The following CSMD1 variants were observed in gnomAD, a reference collection of about 807,000 sequenced individuals.
The protein encoded by CSMD1 is CUB and Sushi multiple domains 1, also known as CUB and sushi domain-containing protein 1.
A neutral mutation model predicts 417.5 loss-of-function variants in CSMD1; 213 were observed. The observed-to-expected ratio is 0.51, with a 90% CI of 0.46 to 0.57. CSMD1 has a LOEUF of 0.57. Among genes scored for constraint, CSMD1 ranks in the 20% least tolerant of loss-of-function variants. CSMD1 has a pLI of 0.00. For missense variants in CSMD1, 6,923 were observed against 4,529.7 expected (o/e 1.53, Z -15.17); for synonymous variants, 2,862 against 1,736.8 (o/e 1.65, Z -16.11).
intron 10 of CSMD1, among the ~76,000 whole-genome samples, chr8:3,500,961 T>A (rs1563098249): frequency 6.6e-6 from 1 of 152,206 alleles, no homozygotes; most frequent in Non-Finnish European, 1.5e-5. Flanking sequence ...AATGATTCAA[T>A]AAGTATATAA....
chr8:3,493,529 G>A (rs973210366), intron 11 of CSMD1, 94 bp downstream of exon 11: 2 of 1,048,298 alleles, frequency 1.9e-6, no homozygotes, highest in Non-Finnish European at 1.4e-6. Flanking sequence ...AAACACCTGA[G>A]GCCGAATTAC....
At chr8:4,080,489 A>T (rs962977872) in intron 3 of CSMD1, among the ~76,000 whole-genome samples, 3 of 152,234 alleles carry the variant, frequency 2.0e-5, no homozygotes, top group Non-Finnish European at 4.4e-5. Context: ...TCTGGGTTCC[A>T]AATTTCTTAC....
intron 5 of CSMD1, among the ~76,000 whole-genome samples, chr8:3,973,317 G>T (rs1415019223): frequency 2.6e-5 from 4 of 152,124 alleles, no homozygotes; most frequent in Non-Finnish European, 4.4e-5. Flanking sequence ...AATATCAGTT[G>T]AATGTCTGCA....
chr8:4,150,122 T>G (rs931750020), intron 3 of CSMD1, among the ~76,000 whole-genome samples: 1 of 152,206 alleles, frequency 6.6e-6, no homozygotes, highest in African/African-American at 2.4e-5. Flanking sequence ...TTCCACATTG[T>G]GTATTTTAAG....
At chr8:4,718,537 T>G (rs924703865) in intron 1 of CSMD1, among the ~76,000 whole-genome samples, 6 of 152,040 alleles carry the variant, frequency 3.9e-5, no homozygotes, top group Middle Eastern at 3.4e-3. Context: ...AAGTACTAGC[T>G]AAGGGAATTT....
intron 1 of CSMD1, among the ~76,000 whole-genome samples, chr8:4,946,634 A>G (rs550690927): frequency 2.3e-4 from 35 of 152,194 alleles, no homozygotes; most frequent in Non-Finnish European, 4.1e-4. Flanking sequence ...TTTATGCCAT[A>G]TTTAGAATCT....
At chr8:3,692,466 G>A (rs948512954) in intron 7 of CSMD1, among the ~76,000 whole-genome samples, 32 of 150,984 alleles carry the variant, frequency 2.1e-4, no homozygotes, top group African/African-American at 6.9e-4. Context: ...TTTTGAGACG[G>A]AGTCTCCCTC....
chr8:3,596,550 G>A (rs1197692604), intron 8 of CSMD1, among the ~76,000 whole-genome samples: 4 of 152,126 alleles, frequency 2.6e-5, no homozygotes, highest in Non-Finnish European at 5.9e-5. Context: ...ATCCGTGGTT[G>A]ATCAGTAAAC....
intron 3 of CSMD1, among the ~76,000 whole-genome samples, chr8:4,299,907 G>C (rs570181929): frequency 6.6e-6 from 1 of 152,092 alleles, no homozygotes; most frequent in African/African-American, 2.4e-5. Flanking sequence ...AGGATTACAG[G>C]TATAAGCCAC....
chr8:4,444,203 A>G (rs1487188657), intron 2 of CSMD1, among the ~76,000 whole-genome samples: 1 of 151,856 alleles, frequency 6.6e-6, no homozygotes, highest in Non-Finnish European at 1.5e-5. Context: ...CTAGCCAGGC[A>G]TGGTGGCACA....
At chr8:4,013,079 G>C (rs1176715021) in intron 4 of CSMD1, among the ~76,000 whole-genome samples, 1 of 152,088 alleles carries the variant, frequency 6.6e-6, no homozygotes, top group Non-Finnish European at 1.5e-5. Context: ...AGTAGCCAGA[G>C]TAATCCTCTC....
intron 26 of CSMD1, among the ~76,000 whole-genome samples, chr8:3,280,932 G>C (rs976148054): frequency 2.0e-5 from 3 of 152,046 alleles, no homozygotes; most frequent in Non-Finnish European, 4.4e-5. Flanking sequence ...GTGATGGCCA[G>C]GTTTCAACAG....
chr8:3,601,055 A>C (rs562295780), intron 8 of CSMD1, among the ~76,000 whole-genome samples: 2 of 152,256 alleles, frequency 1.3e-5, no homozygotes, highest in South Asian at 4.1e-4. Context: ...CCCGCATGAT[A>C]TCGTGGCAGC....
At chr8:3,209,993 A>G (rs1447269318) in intron 30 of CSMD1, among the ~76,000 whole-genome samples, 2 of 152,216 alleles carry the variant, frequency 1.3e-5, no homozygotes, top group African/African-American at 2.4e-5. Flanking sequence ...AAAAACTTCA[A>G]TAAGCAAAAT....
intron 61 of CSMD1, 35 bp from the exon 62 acceptor site, chr8:2,961,249 C>A: frequency 1.5e-6 from 2 of 1,347,722 alleles, no homozygotes; most frequent in South Asian, 1.3e-5. Flanking sequence ...AAGAGGGCAC[C>A]AGATATAGTT....
intron 12 of CSMD1, among the ~76,000 whole-genome samples, chr8:3,441,995 G>T (rs570211961): frequency 6.6e-6 from 1 of 151,948 alleles, no homozygotes; most frequent in African/African-American, 2.4e-5. Flanking sequence ...GCGGAAGACA[G>T]TGTGTAGGCC....
chr8:3,862,106 T>A (rs931468639), intron 5 of CSMD1, among the ~76,000 whole-genome samples: 1 of 152,194 alleles, frequency 6.6e-6, no homozygotes. Flanking sequence ...ACACTATCAT[T>A]TTTTTCAACT....
rs927228587 is a variant in CSMD1 at position 4,321,188 on chromosome 8, G to T, written c.415+98765C>A. ...ACCTCGCACAGTGATCAAAGTGTAG[G>T]GTTCAACATGTGTGTCCAGTGCATG... On this transcript the variant is annotated intron_variant, in intron 3 of 69. Transcript: ENST00000635120. 5.3e-5 allele frequency among the ~76,000 whole-genome samples: 8 copies of T among 152,006 alleles called. No individual in the cohort carries two copies. The East Asian group carries it at 9.7e-4, about 18-fold the overall frequency.
In CSMD1 at chr8:3,035,980, T is replaced by C. The variant is rs553250899; in HGVS notation, c.7661-6467A>G. Among the ~76,000 whole-genome samples, 20 of 152,284 alleles carry C rather than the reference T, an allele frequency of 1.3e-4. No individual in the cohort carries two copies. In the East Asian group the frequency reaches 3.3e-3, roughly 25 times the overall value. On this transcript the variant is annotated intron_variant, in intron 50 of 69. Coordinates refer to ENST00000635120, the MANE Select transcript of CSMD1 (RefSeq NM_033225.6). ...AAAATATTTGACATGGTTAATACCATTGACTATGTTGATATGGTTGACACA... is the reference window on the plus strand; with the variant it reads ...AAAATATTTGACATGGTTAATACCACTGACTATGTTGATATGGTTGACACA...
Sources: gnomAD v4.1 joint callset for allele counts (sites outside exome capture counted in the v4.1 genomes callset) on GRCh38, gnomAD v4.1.1 for gene constraint, MANE v1.5 for transcripts, NCBI Gene and HGNC (gene_info 2026-07-23, HGNC 2026-07-21) for gene names.